DOCK1: variants seen among roughly 807,000 people sequenced by gnomAD.
DOCK1 encodes the protein dedicator of cytokinesis 1.
Under a neutral mutation model 262.7 loss-of-function variants are expected in DOCK1, and 138 were observed. The observed-to-expected ratio is 0.53, with a 90% CI of 0.46 to 0.61. The LOEUF (loss-of-function observed/expected upper bound fraction) is 0.61. Among genes scored for constraint, DOCK1 ranks in the 20% least tolerant of loss-of-function variants. The pLI, the probability that DOCK1 is intolerant of heterozygous loss-of-function variation, is 0.00. For missense variants in DOCK1, 1,908 were observed against 2,370.7 expected (o/e 0.80, Z 4.05); for synonymous variants, 866 against 867.4 (o/e 1.00, Z 0.03).
chr10:127,199,692 G>A (rs957901394), intron 27 of DOCK1, among the ~76,000 whole-genome samples: 2 of 152,180 alleles, frequency 1.3e-5, no homozygotes, highest in African/African-American at 2.4e-5. Context: ...AGGCATACTC[G>A]TTGCCCGGGA....
rs2048166822 is a variant in DOCK1 at position 127,100,350 on chromosome 10, G to C, written c.2446-5881G>C. 6.6e-6 allele frequency among the ~76,000 whole-genome samples: 1 copy of C among 152,186 alleles called. No homozygotes were observed. Among genetic ancestry groups the C allele is most frequent in the South Asian group, 2.1e-4 (1 of 4,834 alleles). ...CTGCCTAGAAGGGGGCTGTGAGGAA[G>C]AGAGAACACCCGGTGTGATGCCCAG... On this transcript the variant is annotated intron_variant, in intron 23 of 51. Transcript: ENST00000623213. This position sits in a 1 kb window ranked among gnomAD's most constrained non-coding sequence, Gnocchi z 5.5.
intron 29 of DOCK1, among the ~76,000 whole-genome samples, chr10:127,331,356 T>A (rs1442917663): frequency 2.0e-5 from 3 of 152,144 alleles, no homozygotes; most frequent in Non-Finnish European, 4.4e-5. Context: ...GATCCAGCTC[T>A]CTGCAACTTC....
intron 26 of DOCK1, 100 bp from the exon 27 acceptor site, chr10:127,127,569 G>T (rs1225380879): frequency 3.4e-6 from 3 of 887,476 alleles, no homozygotes; most frequent in Non-Finnish European, 5.1e-6. Context: ...GGTTATAATT[G>T]ATTTACTCTT....
intron 31 of DOCK1, among the ~76,000 whole-genome samples, chr10:127,352,428 C>T (rs1466817511): frequency 6.6e-6 from 1 of 152,044 alleles, no homozygotes; most frequent in Non-Finnish European, 1.5e-5. Flanking sequence ...ATTACCCAAA[C>T]CGCAAGTGGA....
chr10:127,021,132 A>T (rs1297989552), intron 13 of DOCK1, among the ~76,000 whole-genome samples: 1 of 152,142 alleles, frequency 6.6e-6, no homozygotes, highest in Non-Finnish European at 1.5e-5. Context: ...ATGAGGTCTT[A>T]CTTCTGTGCT....
chr10:126,912,430 CA>C (rs35586867), intron 1 of DOCK1, among the ~76,000 whole-genome samples: 4,397 of 137,754 alleles, frequency 0.032, 216 homozygotes, highest in African/African-American at 0.11. Flanking sequence ...AACTCCATCT[CA>C]AAAAAAAAAA....
intron 23 of DOCK1, among the ~76,000 whole-genome samples, chr10:127,070,853 C>T (rs959939482): frequency 6.6e-6 from 1 of 151,840 alleles, no homozygotes; most frequent in African/African-American, 2.4e-5. Context: ...GGTCCCTGGC[C>T]ATATATTGAG....
intron 28 of DOCK1, among the ~76,000 whole-genome samples, chr10:127,254,940 C>A (rs2059778483): frequency 1.3e-5 from 2 of 152,120 alleles, no homozygotes; most frequent in Admixed American, 1.3e-4. Flanking sequence ...ATTTGGAGTC[C>A]CCTGTGGCAG....
intron 27 of DOCK1, chr10:127,136,373 A>G (rs1006594005): frequency 2.6e-5 from 4 of 151,756 alleles, no homozygotes; most frequent in South Asian, 2.1e-4. Flanking sequence ...CATCTAGTCA[A>G]TGAGGTGTGC....
chr10:127,325,349 CT>C (rs1435287779), intron 29 of DOCK1, among the ~76,000 whole-genome samples: 1 of 152,166 alleles, frequency 6.6e-6, no homozygotes, highest in Non-Finnish European at 1.5e-5. Context: ...TGCAGACTTC[CT>C]AAGTCTTTCG....
chr10:126,970,217 C>G (rs951526987), intron 1 of DOCK1, among the ~76,000 whole-genome samples: 5 of 152,158 alleles, frequency 3.3e-5, no homozygotes, highest in African/African-American at 1.2e-4. Flanking sequence ...GGATTTCAGA[C>G]ATTTCTTGCT....
intron 39 of DOCK1, among the ~76,000 whole-genome samples, chr10:127,403,872 G>C (rs1441564384): frequency 6.6e-6 from 1 of 152,172 alleles, no homozygotes; most frequent in Non-Finnish European, 1.5e-5. Flanking sequence ...CCTCCACCTT[G>C]TCATTTTTGT....
intron 29 of DOCK1, among the ~76,000 whole-genome samples, chr10:127,264,728 A>G (rs1318672773): frequency 1.3e-5 from 2 of 151,984 alleles, no homozygotes; most frequent in Admixed American, 1.3e-4. Context: ...TGGCAGGATC[A>G]TGGCTCACTG....
In DOCK1 at chr10:127,125,601, G is replaced by A. The variant is rs746980853; in HGVS notation, c.2751G>A (p.Val917=). The change falls in exon 26 of 52, where the codon GTG becomes GTA. Residue 917 remains valine, a splice_region_variant and synonymous_variant. Transcript: ENST00000623213. ...HILEVLYRKD[V]GPTQRHVQII... Reference sequence around the variant, plus strand: ...TGGAGGTGCTGTACAGGAAGGACGTGGTGAGTGTTGGCTCTGTGCGTGACG... The same window carrying A: ...TGGAGGTGCTGTACAGGAAGGACGTAGTGAGTGTTGGCTCTGTGCGTGACG... 1 of 1,613,382 alleles carries A rather than the reference G, an allele frequency of 6.2e-7. No homozygotes were observed. The highest frequency in any genetic ancestry group is 2.2e-5 in the East Asian group (1 of 44,858).
intron 29 of DOCK1, 133 bp from the exon 30 acceptor site, chr10:127,338,873 C>A: frequency 1.4e-6 from 1 of 711,044 alleles, no homozygotes; most frequent in Non-Finnish European, 2.2e-6. Flanking sequence ...GTTGGCAAAA[C>A]CTCACAGCTT....
chr10:127,374,586 C>A (rs780316419), intron 35 of DOCK1, among the ~76,000 whole-genome samples: 5 of 152,088 alleles, frequency 3.3e-5, no homozygotes, highest in Non-Finnish European at 5.9e-5. Flanking sequence ...TAGAGCAATA[C>A]CCCAGTCCTT....
chr10:126,905,776 G>C (rs1321745277), intron 1 of DOCK1, among the ~76,000 whole-genome samples: 7 of 150,762 alleles, frequency 4.6e-5, no homozygotes, highest in African/African-American at 1.7e-4. Context: ...GGGGATGCGG[G>C]TCGGGAACAC....
At chr10:127,002,921 G>T (rs771567636) in intron 10 of DOCK1, among the ~76,000 whole-genome samples, 2 of 152,210 alleles carry the variant, frequency 1.3e-5, no homozygotes, top group Non-Finnish European at 2.9e-5. Flanking sequence ...TAGCCTTGTC[G>T]TCTTGCTCGT....
chr10:127,112,574 T>TA (rs1222135803), intron 25 of DOCK1, among the ~76,000 whole-genome samples: 1 of 152,236 alleles, frequency 6.6e-6, no homozygotes, highest in Non-Finnish European at 1.5e-5. Context: ...GGTCATGTAA[T>TA]ATTTTGAAAT....
Sources: gnomAD v4.1 joint callset for allele counts (sites outside exome capture counted in the v4.1 genomes callset) on GRCh38, gnomAD v4.1.1 for gene constraint, Gnocchi (gnomAD v3.1) non-coding constraint, MANE v1.5 for transcripts, NCBI Gene and HGNC (gene_info 2026-07-23, HGNC 2026-07-21) for gene names.